MTCL1: variants seen among roughly 807,000 people sequenced by gnomAD.
MTCL1 encodes microtubule cross-linking factor 1.
A neutral mutation model predicts 141.4 loss-of-function variants in MTCL1; 79 were observed. The ratio of observed to expected loss-of-function variants is 0.56; its 90% CI spans 0.47 to 0.67. The LOEUF (loss-of-function observed/expected upper bound fraction) is 0.67. Ranked by LOEUF, MTCL1 falls within the 30% of genes least tolerant of loss-of-function variation. The pLI, the probability that MTCL1 is intolerant of heterozygous loss-of-function variation, is 0.00. For synonymous variants in MTCL1, 914 were observed against 875.8 expected (o/e 1.04, Z -0.77); for missense variants, 2,177 against 2,113.9 (o/e 1.03, Z -0.59).
At chr18:8,789,648 G>A in intron 7 of MTCL1, 2 of 985,432 alleles carry the variant, frequency 2.0e-6, no homozygotes, top group Non-Finnish European at 2.4e-6. Flanking sequence ...GGAAACAAGT[G>A]AGGGTGGTGG....
intron 7 of MTCL1, among the ~76,000 whole-genome samples, chr18:8,791,131 C>T (rs570061556): frequency 6.6e-6 from 1 of 152,100 alleles, no homozygotes; most frequent in East Asian, 1.9e-4. Context: ...TCAGCAGCTC[C>T]AAGGGAACAG....
intron 4 of MTCL1, among the ~76,000 whole-genome samples, chr18:8,775,408 T>TAAAAAA (rs780102071): frequency 2.2e-5 from 2 of 92,970 alleles, no homozygotes; most frequent in African/African-American, 8.2e-5. Flanking sequence ...TCGTCTCTAC[T>TAAAAAA]AAAAAAAAAA....
intron 4 of MTCL1, among the ~76,000 whole-genome samples, chr18:8,745,413 T>A (rs2096331155): frequency 6.6e-6 from 1 of 152,252 alleles, no homozygotes; most frequent in Admixed American, 6.5e-5. Context: ...GTCTGCGGCA[T>A]ACTTCTGTCA....
At chr18:8,826,097 C>T (rs368395280) in exon 15 of MTCL1, 12 of 1,611,468 alleles carry the variant, frequency 7.4e-6, no homozygotes, top group East Asian at 4.5e-5. Context: ...TCACTGAGAA[C>T]GTGGCCCGGA....
chr18:8,774,453 CT>C (rs1555648670), intron 4 of MTCL1, among the ~76,000 whole-genome samples: 3 of 71,970 alleles, frequency 4.2e-5, no homozygotes, highest in African/African-American at 2.0e-4. Context: ...GTCTTTCTTT[CT>C]TTTCTTTCTT....
intron 10 of MTCL1, among the ~76,000 whole-genome samples, chr18:8,803,587 C>G (rs1487313191): frequency 6.6e-6 from 1 of 152,176 alleles, no homozygotes; most frequent in Non-Finnish European, 1.5e-5. Flanking sequence ...ATGGCAGGAG[C>G]TTGCCTGGCT....
chr18:8,785,987 G>C (rs531630371), exon 7 of MTCL1: 2 of 1,606,486 alleles, frequency 1.2e-6, no homozygotes, highest in Non-Finnish European at 1.7e-6. Flanking sequence ...CCGAGGGGAC[G>C]AGCGGGAGAG....
At chr18:8,716,775 G>A (rs2096131126), upstream of MTCL1, among the ~76,000 whole-genome samples, 2 of 151,916 alleles carry the variant, frequency 1.3e-5, no homozygotes, top group African/African-American at 2.4e-5. Context: ...AATATTAATT[G>A]AATAAAGTAA....
intron 4 of MTCL1, among the ~76,000 whole-genome samples, chr18:8,775,552 G>A (rs1213011346): frequency 1.3e-5 from 2 of 151,938 alleles, no homozygotes; most frequent in Non-Finnish European, 2.9e-5. Flanking sequence ...CAGCCTGGGC[G>A]ACAGAGAAAG....
At chr18:8,795,111 G>A (rs749238070) in intron 8 of MTCL1, among the ~76,000 whole-genome samples, 2 of 152,206 alleles carry the variant, frequency 1.3e-5, no homozygotes, top group Admixed American at 1.3e-4. Flanking sequence ...CAAAACTACA[G>A]TAAAGGTCAG....
At chr18:8,773,358 T>C (rs936995220) in intron 4 of MTCL1, among the ~76,000 whole-genome samples, 9 of 152,160 alleles carry the variant, frequency 5.9e-5, no homozygotes, top group Non-Finnish European at 1.5e-5. Context: ...TCTATAAATG[T>C]CTAAGTGAAA....
chr18:8,751,138 G>C (rs1182224659), intron 4 of MTCL1, among the ~76,000 whole-genome samples: 1 of 152,202 alleles, frequency 6.6e-6, no homozygotes, highest in Non-Finnish European at 1.5e-5. Flanking sequence ...ACTGTGTCTG[G>C]ATTCTGTTGA....
At chr18:8,722,185 G>A (rs1210304738) in intron 4 of MTCL1, among the ~76,000 whole-genome samples, 1 of 152,114 alleles carries the variant, frequency 6.6e-6, no homozygotes, top group Non-Finnish European at 1.5e-5. Context: ...CTCAGTTTGA[G>A]CCTGACCTCA....
In MTCL1 at chr18:8,760,685, C is replaced by T. The variant is rs540585826; in HGVS notation, c.358-17148C>T. Among the ~76,000 whole-genome samples the T allele has an allele frequency of 5.9e-4, 89 of 151,932 alleles. 3 individuals carry two copies. The South Asian group carries it at 0.017, about 28-fold the overall frequency. Reference sequence around the variant, plus strand: ...TCTTTCTTTTTTCTTCCCATATTTCCGTAAGAAACCGTGTGTGTGTGTCTG... The same window carrying T: ...TCTTTCTTTTTTCTTCCCATATTTCTGTAAGAAACCGTGTGTGTGTGTCTG... On this transcript the variant is annotated intron_variant, in intron 4 of 16. Transcript: ENST00000359865.
chr18:8,727,451 A>G (rs951367917), intron 4 of MTCL1, among the ~76,000 whole-genome samples: 1 of 152,206 alleles, frequency 6.6e-6, no homozygotes, highest in African/African-American at 2.4e-5. Context: ...CCATGCCAAC[A>G]TCTGCTGTTT....
chr18:8,725,790 C>CTTTTTTTTTTTTTTTTTTTTT, intron 4 of MTCL1, among the ~76,000 whole-genome samples: 151 of 61,052 alleles, frequency 2.5e-3, no homozygotes, highest in Middle Eastern at 0.013. Context: ...TTTTTTTTTT[C>CTTTTTTTTTTTTTTTTTTTTT]TTTTTTTTTT....
intron 9 of MTCL1, among the ~76,000 whole-genome samples, chr18:8,797,647 T>C (rs2143903553): frequency 6.6e-6 from 1 of 152,358 alleles, no homozygotes; most frequent in South Asian, 2.1e-4. Flanking sequence ...GTTCTCATCC[T>C]AGGAATGGGA....
At chr18:8,744,422 C>G (rs1451535482) in intron 4 of MTCL1, among the ~76,000 whole-genome samples, 1 of 152,200 alleles carries the variant, frequency 6.6e-6, no homozygotes, top group Non-Finnish European at 1.5e-5. Context: ...TTAAGGGACA[C>G]TGTATATTCT....
chr18:8,777,932 A>T (rs1174801444), intron 5 of MTCL1, 40 bp downstream of exon 4: 7 of 1,569,530 alleles, frequency 4.5e-6, no homozygotes, highest in Non-Finnish European at 6.1e-6. Context: ...ATCTCCTATA[A>T]GTGAAGTCAA....
Sources: allele counts gnomAD v4.1 joint callset (sites outside exome capture counted in the v4.1 genomes callset), GRCh38; gene constraint gnomAD v4.1.1; transcripts MANE v1.5; gene names NCBI Gene and HGNC (gene_info 2026-07-23, HGNC 2026-07-21).